The following MDGA2 variants were observed in gnomAD, a reference collection of about 807,000 sequenced individuals.
MDGA2 encodes the protein MAM domain-containing glycosylphosphatidylinositol anchor protein 2.
In MDGA2, 40 loss-of-function variants were observed where a neutral mutation model predicts 117.8. The observed-to-expected ratio is 0.34, with a 90% CI of 0.26 to 0.44. The LOEUF is 0.44. Among genes scored for constraint, MDGA2 ranks in the 20% least tolerant of loss-of-function variants. The pLI, the probability that MDGA2 is intolerant of heterozygous loss-of-function variation, is 1.00. For synonymous variants in MDGA2, 452 were observed against 439.0 expected (o/e 1.03, Z -0.37); for missense variants, 1,123 against 1,250.6 (o/e 0.90, Z 1.54).
chr14:47,066,003 G>A (rs1474178586), intron 6 of MDGA2, among the ~76,000 whole-genome samples: 1 of 152,156 alleles, frequency 6.6e-6, no homozygotes, highest in Non-Finnish European at 1.5e-5. Context: ...CTTTGCTGAA[G>A]AGAATAAAAA....
At chr14:47,268,557 A>G (rs578059487) in intron 2 of MDGA2, among the ~76,000 whole-genome samples, 4 of 152,326 alleles carry the variant, frequency 2.6e-5, no homozygotes, top group South Asian at 2.1e-4. Flanking sequence ...CTGAAACTCT[A>G]TAATAATGAG....
intron 6 of MDGA2, among the ~76,000 whole-genome samples, chr14:47,063,922 T>C (rs955279603): frequency 3.3e-5 from 5 of 152,000 alleles, no homozygotes; most frequent in Admixed American, 2.0e-4. Context: ...ACTTCTGTGC[T>C]CTGCATAGTG....
chr14:46,932,111 C>T (rs957999583), intron 9 of MDGA2, among the ~76,000 whole-genome samples: 15 of 151,982 alleles, frequency 9.9e-5, no homozygotes, highest in Non-Finnish European at 2.1e-4. Context: ...GCAGGATTCT[C>T]ATGATATACA....
chr14:47,115,260 C>G (rs1881265386), intron 5 of MDGA2, among the ~76,000 whole-genome samples: 1 of 151,952 alleles, frequency 6.6e-6, no homozygotes, highest in Non-Finnish European at 1.5e-5. Flanking sequence ...GGTCACAACT[C>G]AGACAAGTAC....
At chr14:46,987,415 C>T (rs1488986805) in intron 8 of MDGA2, among the ~76,000 whole-genome samples, 2 of 152,076 alleles carry the variant, frequency 1.3e-5, no homozygotes, top group Non-Finnish European at 2.9e-5. Flanking sequence ...ACTATTTATT[C>T]ATGATATCCA....
At chr14:47,278,319 T>C (rs1888370621) in intron 2 of MDGA2, among the ~76,000 whole-genome samples, 1 of 152,128 alleles carries the variant, frequency 6.6e-6, no homozygotes, top group South Asian at 2.1e-4. Context: ...TAATTTTACA[T>C]AGTCATGGGG....
At chr14:47,124,734 G>C (rs1881812891) in intron 5 of MDGA2, among the ~76,000 whole-genome samples, 1 of 151,962 alleles carries the variant, frequency 6.6e-6, no homozygotes, top group Non-Finnish European at 1.5e-5. Flanking sequence ...TAGTGTCCAT[G>C]TTTGGGACAC....
chr14:47,111,478 T>G (rs1248626978), intron 5 of MDGA2, among the ~76,000 whole-genome samples: 1 of 152,088 alleles, frequency 6.6e-6, no homozygotes, highest in Non-Finnish European at 1.5e-5. Flanking sequence ...GATTTGCTAG[T>G]CAGAATTGCA....
chr14:46,861,980 T>TA (rs925495477), intron 14 of MDGA2, among the ~76,000 whole-genome samples: 10 of 151,894 alleles, frequency 6.6e-5, no homozygotes, highest in Admixed American at 2.0e-4. Flanking sequence ...AGTATTATAG[T>TA]AAAAAAAACT....
intron 15 of MDGA2, among the ~76,000 whole-genome samples, chr14:46,847,571 A>C (rs1880890645): frequency 6.6e-6 from 1 of 152,014 alleles, no homozygotes; most frequent in African/African-American, 2.4e-5. Context: ...AAGTCTCAGA[A>C]GACTTTTTAA....
chr14:47,541,834 G>A (rs148694056), intron 1 of MDGA2, among the ~76,000 whole-genome samples: 10 of 152,226 alleles, frequency 6.6e-5, no homozygotes, highest in African/African-American at 1.9e-4. Flanking sequence ...GTCCTCCAGG[G>A]CTCTGGCTGC....
intron 5 of MDGA2, among the ~76,000 whole-genome samples, chr14:47,116,015 A>T (rs1881310659): frequency 6.6e-6 from 1 of 152,034 alleles, no homozygotes; most frequent in South Asian, 2.1e-4. Flanking sequence ...AGAACATATG[A>T]TCTTATTTAT....
At chr14:47,197,693 G>A (rs1038468842) in intron 3 of MDGA2, among the ~76,000 whole-genome samples, 4 of 152,058 alleles carry the variant, frequency 2.6e-5, no homozygotes, top group South Asian at 2.1e-4. Flanking sequence ...GGTGGATCAC[G>A]AGGTCAGGGG....
chr14:47,094,748 T>C (rs1439592860), intron 6 of MDGA2, among the ~76,000 whole-genome samples: 2 of 151,894 alleles, frequency 1.3e-5, no homozygotes, highest in Admixed American at 6.6e-5. Flanking sequence ...ACAGCAAGAT[T>C]TGGTAGATTA....
At chr14:47,485,727 G>A (rs528840578) in intron 1 of MDGA2, among the ~76,000 whole-genome samples, 20 of 152,230 alleles carry the variant, frequency 1.3e-4, no homozygotes, top group East Asian at 5.8e-4. Context: ...TTCCAGCTGC[G>A]GCTGAAAGGG....
At chr14:47,381,576 C>T (rs1339309104) in intron 1 of MDGA2, among the ~76,000 whole-genome samples, 1 of 152,100 alleles carries the variant, frequency 6.6e-6, no homozygotes, top group Non-Finnish European at 1.5e-5. Context: ...AACAGACAAA[C>T]AGAGAGCCAA....
At chr14:47,453,233 G>T (rs903529270) in intron 1 of MDGA2, among the ~76,000 whole-genome samples, 13 of 151,902 alleles carry the variant, frequency 8.6e-5, no homozygotes, top group Admixed American at 7.2e-4. Flanking sequence ...CTGATGATTA[G>T]GCCTGGGCTT....
intron 1 of MDGA2, among the ~76,000 whole-genome samples, chr14:47,434,847 A>G (rs1892865780): frequency 6.6e-6 from 1 of 152,148 alleles, no homozygotes; most frequent in Non-Finnish European, 1.5e-5. Context: ...ATTAAAACCA[A>G]CATTGAGGCT....
At chr14:47,269,578 G>C (rs1888078558) in intron 2 of MDGA2, among the ~76,000 whole-genome samples, 1 of 152,090 alleles carries the variant, frequency 6.6e-6, no homozygotes, top group Non-Finnish European at 1.5e-5. Flanking sequence ...AAAAATTCAA[G>C]TAATTGCAAA....
Sources: gnomAD v4.1 joint callset for allele counts (sites outside exome capture counted in the v4.1 genomes callset) on GRCh38, gnomAD v4.1.1 for gene constraint, MANE v1.5 for transcripts, NCBI Gene and HGNC (gene_info 2026-07-23, HGNC 2026-07-21) for gene names.